Variants in RALYL observed in about 807,000 individuals in gnomAD.
The protein encoded by RALYL is RALY RNA binding protein like.
A neutral mutation model predicts 35.1 loss-of-function variants in RALYL; 29 were observed. That is an observed-to-expected ratio of 0.83 (90% CI 0.61 to 1.13). RALYL has a LOEUF of 1.13. Ranked by LOEUF, RALYL falls within the 50% of genes most tolerant of loss-of-function variation. The pLI is 0.00. For missense variants in RALYL, 359 were observed against 360.4 expected (o/e 1.00, Z 0.03); for synonymous variants, 120 against 127.6 (o/e 0.94, Z 0.40).
intron 1 of RALYL, among the ~76,000 whole-genome samples, chr8:84,480,074 C>T (rs532931385): frequency 9.9e-5 from 15 of 152,142 alleles, no homozygotes; most frequent in African/African-American, 3.1e-4. Context: ...TACATATGGA[C>T]GAGTAGACCA....
chr8:84,795,743 G>A (rs930157001), intron 3 of RALYL, among the ~76,000 whole-genome samples: 1 of 152,066 alleles, frequency 6.6e-6, no homozygotes, highest in African/African-American at 2.4e-5. Context: ...TACACCCTGA[G>A]GCCTAAGTAG....
At chr8:84,244,292 C>A (rs960249649) in intron 1 of RALYL, among the ~76,000 whole-genome samples, 7 of 152,126 alleles carry the variant, frequency 4.6e-5, no homozygotes, top group African/African-American at 1.4e-4. Flanking sequence ...GAATTCTTAA[C>A]ATTTTAATTA....
intron 1 of RALYL, among the ~76,000 whole-genome samples, chr8:84,421,787 C>T (rs1012419603): frequency 2.2e-5 from 3 of 137,790 alleles, no homozygotes; most frequent in Non-Finnish European, 1.6e-5. Context: ...AAGGCTTTTT[C>T]TGCATCTATT....
intron 2 of RALYL, among the ~76,000 whole-genome samples, chr8:84,544,847 A>G (rs994391416): frequency 2.0e-5 from 3 of 152,070 alleles, no homozygotes; most frequent in Non-Finnish European, 4.4e-5. Flanking sequence ...TATATTTGTA[A>G]AACTTGAATT....
intron 1 of RALYL, among the ~76,000 whole-genome samples, chr8:84,306,949 C>T (rs951484775): frequency 3.3e-5 from 5 of 152,166 alleles, no homozygotes; most frequent in East Asian, 1.9e-4. Context: ...ATGGGCTTAA[C>T]CAGCAAAAGC....
intron 4 of RALYL, among the ~76,000 whole-genome samples, chr8:84,818,322 C>T (rs1298501672): frequency 6.6e-6 from 1 of 152,074 alleles, no homozygotes; most frequent in Non-Finnish European, 1.5e-5. Context: ...TATATTAATG[C>T]CATCAAATGA....
chr8:84,813,924 A>G (rs896790414), intron 4 of RALYL, among the ~76,000 whole-genome samples: 13 of 98,238 alleles, frequency 1.3e-4, no homozygotes, highest in Non-Finnish European at 2.4e-4. Context: ...GACAGGCCCC[A>G]GTGTGTGATG....
intron 2 of RALYL, among the ~76,000 whole-genome samples, chr8:84,566,504 T>C (rs917742072): frequency 6.6e-6 from 1 of 151,674 alleles, no homozygotes; most frequent in Non-Finnish European, 1.5e-5. Context: ...TTATACTTTA[T>C]TATATAGTAG....
At chr8:84,681,946 TG>T (rs1330704531) in intron 2 of RALYL, among the ~76,000 whole-genome samples, 1 of 152,194 alleles carries the variant, frequency 6.6e-6, no homozygotes, top group African/African-American at 2.4e-5. Context: ...TTACAGTTTT[TG>T]CCCATTCAGT....
intron 4 of RALYL, among the ~76,000 whole-genome samples, chr8:84,834,967 AGT>A (rs1375460078): frequency 6.6e-6 from 1 of 152,172 alleles, no homozygotes; most frequent in Non-Finnish European, 1.5e-5. Flanking sequence ...TTTAGATAGA[AGT>A]GTGCTTAAGA....
rs76140072 is a variant in RALYL, at chr8:84,588,101, G to T, written c.256+58524G>T. ...GGGGTTTGCTTGAAGGTCCAGGGTG[G>T]CATCACTCTCCTCAGCTGGTGAAGT... On this transcript the variant is annotated intron_variant, in intron 2 of 8. Transcript: ENST00000521268. Among the ~76,000 whole-genome samples, 835 of 152,244 alleles carry T rather than the reference G, an allele frequency of 5.5e-3. 37 individuals carry two copies. The East Asian group carries it at 0.12, about 23-fold the overall frequency.
At chr8:84,256,082 G>A (rs1363886633) in intron 1 of RALYL, among the ~76,000 whole-genome samples, 3 of 152,264 alleles carry the variant, frequency 2.0e-5, no homozygotes, top group African/African-American at 4.8e-5. Flanking sequence ...CAAAGGGTAT[G>A]TCTGATTGCT....
chr8:84,282,339 C>T (rs564313044), intron 1 of RALYL, among the ~76,000 whole-genome samples: 2 of 151,814 alleles, frequency 1.3e-5, no homozygotes, highest in African/African-American at 2.4e-5. Flanking sequence ...TTTTGTTCTC[C>T]AGTATTTATC....
chr8:84,768,450 G>A (rs1586095594), intron 2 of RALYL, among the ~76,000 whole-genome samples: 1 of 152,226 alleles, frequency 6.6e-6, no homozygotes, highest in East Asian at 1.9e-4. Context: ...AATCCTTTCT[G>A]CCCCTTTCAC....
chr8:84,589,327 CTGT>C (rs1377588379), intron 2 of RALYL, among the ~76,000 whole-genome samples: 1 of 152,184 alleles, frequency 6.6e-6, no homozygotes, highest in African/African-American at 2.4e-5. Flanking sequence ...TTTTTTCTTA[CTGT>C]ATCCTGTTAG....
At chr8:84,754,926 C>A (rs1159492136) in intron 2 of RALYL, among the ~76,000 whole-genome samples, 1 of 152,160 alleles carries the variant, frequency 6.6e-6, no homozygotes, top group Non-Finnish European at 1.5e-5. Flanking sequence ...TGAGGTGGTA[C>A]AAATTTCTTT....
At chr8:84,440,201 C>T (rs565179760) in intron 1 of RALYL, among the ~76,000 whole-genome samples, 1 of 152,116 alleles carries the variant, frequency 6.6e-6, no homozygotes, top group African/African-American at 2.4e-5. Flanking sequence ...AGTTCGCTGA[C>T]AATATTGATA....
intron 1 of RALYL, among the ~76,000 whole-genome samples, chr8:84,397,572 G>C (rs1276728655): frequency 6.6e-6 from 1 of 152,116 alleles, no homozygotes; most frequent in Non-Finnish European, 1.5e-5. Flanking sequence ...TACAAAAGCA[G>C]GTACTCGTGT....
At chr8:84,786,594 A>G in intron 3 of RALYL, among the ~76,000 whole-genome samples, 1 of 152,046 alleles carries the variant, frequency 6.6e-6, no homozygotes, top group Non-Finnish European at 1.5e-5. Flanking sequence ...GATGAGCTTT[A>G]TTCCATGTGT....
Sources: gnomAD v4.1 joint callset for allele counts (sites outside exome capture counted in the v4.1 genomes callset) on GRCh38, gnomAD v4.1.1 for gene constraint, MANE v1.5 for transcripts, NCBI Gene and HGNC (gene_info 2026-07-23, HGNC 2026-07-21) for gene names.